FBLN7: variants seen among roughly 807,000 people sequenced by gnomAD.
FBLN7 encodes the protein fibulin-7.
Under a neutral mutation model 44.0 loss-of-function variants are expected in FBLN7, and 31 were observed. The observed-to-expected ratio is 0.70, with a 90% CI of 0.53 to 0.95. FBLN7 has a LOEUF of 0.95. Among genes scored for constraint, FBLN7 ranks in the 40% least tolerant of loss-of-function variants. The probability of loss-of-function intolerance (pLI) is 0.00; values close to 1 mark genes in which losing one functional copy is unlikely to be tolerated. For missense variants in FBLN7, 573 were observed against 618.5 expected (o/e 0.93, Z 0.78); for synonymous variants, 262 against 253.4 (o/e 1.03, Z -0.32).
intron 3 of FBLN7, among the ~76,000 whole-genome samples, chr2:112,173,057 T>C (rs1682556583): frequency 6.6e-6 from 1 of 152,122 alleles, no homozygotes; most frequent in African/African-American, 2.4e-5. Flanking sequence ...GAGTCCAAAC[T>C]GTGCACAACA....
the FBLN7 span, among the ~76,000 whole-genome samples, chr2:112,217,990 T>C: frequency 6.6e-6 from 1 of 152,178 alleles, no homozygotes; most frequent in Non-Finnish European, 1.5e-5. Flanking sequence ...TGGACCTGAA[T>C]TCAAACTCCT....
chr2:112,197,274 C>CAGAGAG, the FBLN7 span, among the ~76,000 whole-genome samples: 11 of 98,658 alleles, frequency 1.1e-4, no homozygotes, highest in South Asian at 8.8e-4. Flanking sequence ...CACACACACA[C>CAGAGAG]AGAGAGAGAG....
At chr2:112,162,917 T>TAA (rs200869048) in intron 2 of FBLN7, among the ~76,000 whole-genome samples, 7 of 151,136 alleles carry the variant, frequency 4.6e-5, no homozygotes, top group Non-Finnish European at 8.9e-5. Flanking sequence ...GTACTAGATG[T>TAA]AAAAAAAAAG....
intron 3 of FBLN7, among the ~76,000 whole-genome samples, chr2:112,169,846 C>A (rs1682357472): frequency 6.6e-6 from 1 of 152,132 alleles, no homozygotes; most frequent in Non-Finnish European, 1.5e-5. Context: ...AGTTGAGGGC[C>A]TCTGAGCAGG....
chr2:112,175,829 G>T lies in FBLN7; in HGVS notation c.522G>T (p.Gln174His). Residue 174 changes from glutamine to histidine, a missense_variant, in exon 4 of 8, where the codon CAG (glutamine) becomes CAT (histidine). Coordinates refer to ENST00000331203, the MANE Select transcript of FBLN7 (RefSeq NM_153214.3). Reference sequence around the variant, plus strand: ...GGACTGGGAACCGCTGTCAGCATCAGGCCCAGACTGGTATGTAGCCACCAT... The same window carrying T: ...GGACTGGGAACCGCTGTCAGCATCATGCCCAGACTGGTATGTAGCCACCAT... ...PGRTGNRCQH[Q>H]AQTAAPEGSV... 1 of 1,614,078 alleles carries T rather than the reference G, an allele frequency of 6.2e-7. No individual in the cohort carries two copies. Among genetic ancestry groups the T allele is most frequent in the Non-Finnish European group, 8.5e-7 (1 of 1,179,980 alleles).
chr2:112,207,669 A>C, the FBLN7 span, among the ~76,000 whole-genome samples: 1 of 152,164 alleles, frequency 6.6e-6, no homozygotes, highest in African/African-American at 2.4e-5. Flanking sequence ...CAGTTCTGCC[A>C]GTGTTTGCTT....
intron 1 of FBLN7, among the ~76,000 whole-genome samples, chr2:112,153,669 G>A (rs1681277373): frequency 6.6e-6 from 1 of 152,168 alleles, no homozygotes; most frequent in African/African-American, 2.4e-5. Context: ...GGGTGAGCCG[G>A]GGGACACACA....
intron 1 of FBLN7, among the ~76,000 whole-genome samples, chr2:112,148,028 C>G (rs1459592253): frequency 1.3e-5 from 2 of 152,176 alleles, no homozygotes; most frequent in African/African-American, 4.8e-5. Context: ...CCACTGACTT[C>G]CCAGCGAAAA....
chr2:112,201,602 G>A, the FBLN7 span, among the ~76,000 whole-genome samples: 1 of 152,182 alleles, frequency 6.6e-6, no homozygotes, highest in Non-Finnish European at 1.5e-5. Flanking sequence ...GCAGTCCAGA[G>A]TGGCAGGAGC....
intron 6 of FBLN7, among the ~76,000 whole-genome samples, chr2:112,184,691 A>G (rs1033795868): frequency 7.4e-5 from 11 of 149,224 alleles, no homozygotes; most frequent in Non-Finnish European, 1.6e-4. Context: ...TGGTGTATAT[A>G]TGGTATATAT....
intron 1 of FBLN7, among the ~76,000 whole-genome samples, chr2:112,150,009 C>G (rs1024398300): frequency 6.6e-6 from 1 of 152,190 alleles, no homozygotes; most frequent in Admixed American, 6.5e-5. Context: ...TTGTTCACAT[C>G]AAAGACCAGA....
chr2:112,148,421 C>A (rs1680990212), intron 1 of FBLN7, among the ~76,000 whole-genome samples: 1 of 152,178 alleles, frequency 6.6e-6, no homozygotes, highest in Admixed American at 6.5e-5. Flanking sequence ...GAGATAAATA[C>A]CGCTATCTAA....
chr2:112,207,587 A>G, the FBLN7 span, among the ~76,000 whole-genome samples: 1 of 152,214 alleles, frequency 6.6e-6, no homozygotes, highest in African/African-American at 2.4e-5. Context: ...TCCGTCTATT[A>G]GTTGTATGGA....
chr2:112,176,983 G>C (rs1682767580), intron 4 of FBLN7: 1 of 151,214 alleles, frequency 6.6e-6, no homozygotes, highest in South Asian at 2.1e-4. Flanking sequence ...GCCCAGGCTG[G>C]AGTGTGCAGT....
chr2:112,187,507 G>A lies in FBLN7; in HGVS notation c.*1G>A. The A allele has an allele frequency of 6.2e-7, 1 of 1,613,628 alleles. No individual in the cohort carries two copies. Among genetic ancestry groups the A allele is most frequent in the South Asian group, 1.1e-5 (1 of 91,068 alleles). On this transcript the variant is annotated 3_prime_UTR_variant, in exon 8 of 8. Transcript: ENST00000331203. The surrounding 1 kb of genome is among the most constrained non-coding windows in gnomAD (Gnocchi z 5.1). ...CTTTGTATCCCCCTATGACTTCTGAGGGTACACAGGGGCACTGGGGTGTGG... is the reference window on the plus strand; with the variant it reads ...CTTTGTATCCCCCTATGACTTCTGAAGGTACACAGGGGCACTGGGGTGTGG...
the FBLN7 span, among the ~76,000 whole-genome samples, chr2:112,207,605 GA>G: frequency 6.6e-6 from 1 of 152,136 alleles, no homozygotes; most frequent in Admixed American, 6.6e-5. Context: ...GGATTACTAA[GA>G]AAGGAGTGTT....
the FBLN7 span, among the ~76,000 whole-genome samples, chr2:112,242,622 T>C: frequency 6.6e-6 from 1 of 152,346 alleles, no homozygotes; most frequent in South Asian, 2.1e-4. Context: ...ATTATTATAC[T>C]GTCAAGTCAG....
intron 3 of FBLN7, among the ~76,000 whole-genome samples, chr2:112,171,620 A>G (rs1682464314): frequency 6.6e-6 from 1 of 152,218 alleles, no homozygotes; most frequent in African/African-American, 2.4e-5. Context: ...ATTAATGAAA[A>G]AAAGATGAAT....
At chr2:112,196,536 G>A in the FBLN7 span, among the ~76,000 whole-genome samples, 1 of 151,872 alleles carries the variant, frequency 6.6e-6, no homozygotes, top group Non-Finnish European at 1.5e-5. Context: ...CTCCCAAAGT[G>A]CTGGGATTAC....
Sources: gnomAD v4.1 joint callset for allele counts (sites outside exome capture counted in the v4.1 genomes callset) on GRCh38, gnomAD v4.1.1 for gene constraint, Gnocchi (gnomAD v3.1) non-coding constraint, MANE v1.5 for transcripts, NCBI Gene and HGNC (gene_info 2026-07-23, HGNC 2026-07-21) for gene names.